Variants in NEFL observed in about 807,000 individuals in gnomAD.
NEFL encodes the protein neurofilament light polypeptide.
A neutral mutation model predicts 51.6 loss-of-function variants in NEFL; 36 were observed. The observed-to-expected ratio is 0.70, with a 90% CI of 0.53 to 0.92. The LOEUF is 0.92. NEFL is among the 40% of genes least tolerant of loss of function. The pLI is 0.00. For synonymous variants in NEFL, 332 were observed against 302.5 expected, an observed-to-expected ratio of 1.10 and a Z score of -1.01; for missense variants, 671 against 722.0, an observed-to-expected ratio of 0.93 and a Z score of 0.81.
At position 24,955,889 on chromosome 8, in the gene NEFL, G is replaced by C. The variant is rs564451527; in HGVS notation, c.627C>G (p.Leu209=). The stretch of plus-strand genomic sequence containing the variant: ...CCATCAAGCTGTCGATGCGCTTCTC[G>C]AGCTCGGCGCGAGCGAGCGCCGCCT... ...ADEAALARAE[L]EKRIDSLMDE... Residue 209 remains leucine, a synonymous_variant, in exon 1 of 4, where the codon CTC becomes CTG. Coordinates refer to ENST00000610854, the MANE Select transcript of NEFL (RefSeq NM_006158.5). This position sits in a 1 kb window ranked among gnomAD's most constrained non-coding sequence, Gnocchi z 4.0. The C allele has an allele frequency of 1.2e-6, 2 of 1,606,458 alleles. No homozygotes were observed. The highest frequency in any genetic ancestry group is 1.3e-5 in the African/African-American group (1 of 74,942).
chr8:24,953,417 C>A, intron 3 of NEFL, 59 bp downstream of exon 3: 1 of 1,542,680 alleles, frequency 6.5e-7, no homozygotes, highest in Non-Finnish European at 8.7e-7. Context: ...TATCCACCTC[C>A]TAACAAATCT....
chr8:24,955,575 G>A lies in NEFL; in HGVS notation c.941C>T (p.Ala314Val). ...GCATGCTTCGATTTCCAGGGTCTTG[G>A]CCTTGAGCAGACGACGGCTCTCGGA... ...EVSESRRLLK[A>V]KTLEIEACRG... The change falls in exon 1 of 4, where the codon GCC becomes GTC. Residue 314 changes from alanine (A) to valine (V), a missense_variant. Physicochemically the swap from Ala to Val is moderately conservative, Grantham distance 64 (BLOSUM62 0). Coordinates refer to ENST00000610854, the MANE Select transcript of NEFL (RefSeq NM_006158.5). The surrounding 1 kb of genome is among the most constrained non-coding windows in gnomAD (Gnocchi z 4.0). 1 of 1,613,668 alleles carries A rather than the reference G, an allele frequency of 6.2e-7. No individual in the cohort carries two copies. The highest frequency in any genetic ancestry group is 8.5e-7 in the Non-Finnish European group (1 of 1,179,874).
At position 24,951,336 on chromosome 8, in the gene NEFL, T is replaced by A. The variant is rs1802964757; in HGVS notation, c.*1474A>T. On this transcript the variant is annotated 3_prime_UTR_variant, in exon 4 of 4. Transcript: ENST00000610854. ...AGACCACTTTGGTTTCAGGTTAAAT[T>A]AATAACTTATAGAGATCGTCTAAAA... 6.6e-6 allele frequency: 1 copy of A among 152,208 alleles called. No individual in the cohort carries two copies. The highest frequency in any genetic ancestry group is 6.5e-5 in the Admixed American group (1 of 15,278). 9.4% of individuals were successfully genotyped at this position (152,208 alleles called of 1,614,324 possible).
At position 24,953,642 on chromosome 8, in the gene NEFL, G is replaced by C. The variant is rs1297996099; in HGVS notation, c.1323C>G (p.Ser441=). The C allele has an allele frequency of 6.2e-7, 1 of 1,614,004 alleles. No homozygotes were observed. Among genetic ancestry groups the C allele is most frequent in the Non-Finnish European group, 8.5e-7 (1 of 1,179,892 alleles). ...CCTCTTGGACATGGCTGGTGTAGTAGGACGGGAAGGAGCGGGTGGACATCA... is the reference window on the plus strand; with the variant it reads ...CCTCTTGGACATGGCTGGTGTAGTACGACGGGAAGGAGCGGGTGGACATCA... The part of the protein sequence containing the change: ...SYLMSTRSFP[S]YYTSHVQEEQ... The change falls in exon 3 of 4, where the codon TCC becomes TCG. Residue 441 remains serine (S), a synonymous_variant. Coordinates refer to ENST00000610854, the MANE Select transcript of NEFL (RefSeq NM_006158.5).
Position 24,952,180 on chromosome 8 carries a change from T to G in NEFL, c.*630A>C, listed in dbSNP as rs1348537116. On this transcript the variant is annotated 3_prime_UTR_variant, in exon 4 of 4. Transcript: ENST00000610854. ...ATGTTTATTATCAGTAAAATTTTTGTGGGGAGAGATTTCACAAGTAATCAT... is the reference window on the plus strand; with the variant it reads ...ATGTTTATTATCAGTAAAATTTTTGGGGGGAGAGATTTCACAAGTAATCAT... 1 of 152,612 alleles carries G rather than the reference T, an allele frequency of 6.6e-6. No individual in the cohort carries two copies. The highest frequency in any genetic ancestry group is 1.5e-5 in the Non-Finnish European group (1 of 68,036). The allele number at this position is 152,612 out of a possible 1,614,324, so 9.5% of individuals were successfully genotyped here. A position where few individuals can be genotyped will look rare whatever the true frequency, so the allele number is the denominator to read the frequency against.
Position 24,955,955 on chromosome 8 carries a change from G to A in NEFL, c.561C>T (p.Asp187=). 6.2e-7 allele frequency: 1 copy of A among 1,602,768 alleles called. No homozygotes were observed. Among genetic ancestry groups the A allele is most frequent in the South Asian group, 1.1e-5 (1 of 90,948 alleles). ...GCGCTTCCATCAGCCGGCCCTCGGC[G>A]TCCTCGCGGCTCAGCACCTCCTCTT... ...RYEEEVLSRE[D]AEGRLMEARK... Residue 187 remains aspartate, a synonymous_variant, in exon 1 of 4, where the codon GAC becomes GAT. Coordinates refer to ENST00000610854, the MANE Select transcript of NEFL (RefSeq NM_006158.5). The surrounding 1 kb of genome is among the most constrained non-coding windows in gnomAD (Gnocchi z 4.0).
rs761721495 is a variant in NEFL, at chr8:24,955,915, C to G, written c.601G>C (p.Glu201Gln). 2 of 1,604,982 alleles carry G rather than the reference C, an allele frequency of 1.2e-6. No individual in the cohort carries two copies. The highest frequency in any genetic ancestry group is 3.3e-5 in the Admixed American group (2 of 59,992). Reference sequence around the variant, plus strand: ...AGCTCGGCGCGAGCGAGCGCCGCCTCGTCGGCGCCTTTGCGCGCTTCCATC... The same window carrying G: ...AGCTCGGCGCGAGCGAGCGCCGCCTGGTCGGCGCCTTTGCGCGCTTCCATC... ...RLMEARKGAD[E>Q]AALARAELEK... The change falls in exon 1 of 4, where the codon GAG (glutamate) becomes CAG (glutamine). Residue 201 changes from glutamate to glutamine, a missense_variant. Transcript: ENST00000610854. This position sits in a 1 kb window ranked among gnomAD's most constrained non-coding sequence, Gnocchi z 4.0.
Position 24,956,558 on chromosome 8 carries a change from C to A in NEFL, c.-43G>T, listed in dbSNP as rs749986851. On this transcript the variant is annotated 5_prime_UTR_variant, in exon 1 of 4. Coordinates refer to ENST00000610854, the MANE Select transcript of NEFL (RefSeq NM_006158.5). This position sits in a 1 kb window ranked among gnomAD's most constrained non-coding sequence, Gnocchi z 5.9. ...CCCCGGCCCGCGGCGGCGGTGGGAG[C>A]CCGGAGAGAGAGGACAGGGGAGAGA... 2 of 1,539,964 alleles carry A rather than the reference C, an allele frequency of 1.3e-6. No homozygotes were observed. The highest frequency in any genetic ancestry group is 2.7e-5 in the African/African-American group (2 of 72,950).
chr8:24,955,864 C>A lies in NEFL; in HGVS notation c.652G>T (p.Asp218Tyr). The A allele has an allele frequency of 6.2e-7, 1 of 1,609,160 alleles. No homozygotes were observed. Among genetic ancestry groups the A allele is most frequent in the Non-Finnish European group, 8.5e-7 (1 of 1,179,876 alleles). Residue 218 changes from aspartate (D) to tyrosine (Y), a missense_variant, in exon 1 of 4, where the codon GAC (aspartate) becomes TAC (tyrosine). Transcript: ENST00000610854. The surrounding 1 kb of genome is among the most constrained non-coding windows in gnomAD (Gnocchi z 4.0). The stretch of plus-strand genomic sequence containing the variant: ...ACTTTCTTCAGAAAAGAGATTTCGT[C>A]CATCAAGCTGTCGATGCGCTTCTCG... The part of the protein sequence containing the change: ...ELEKRIDSLM[D>Y]EISFLKKVHE...
chr8:24,953,919 T>A (rs1398643571), intron 2 of NEFL, 124 bp from the exon 3 acceptor site: 3 of 1,361,004 alleles, frequency 2.2e-6, no homozygotes, highest in South Asian at 1.6e-5. Flanking sequence ...TGCCTGGGGA[T>A]CTTTTGATGG....
Position 24,952,662 on chromosome 8 carries a change from G to T in NEFL, c.*148C>A. 1 of 1,260,236 alleles carries T rather than the reference G, an allele frequency of 7.9e-7. No homozygotes were observed. Among genetic ancestry groups the T allele is most frequent in the Non-Finnish European group, 1.1e-6 (1 of 920,976 alleles). 78.1% of individuals were successfully genotyped at this position (1,260,236 alleles called of 1,614,324 possible). A position where few individuals can be genotyped will look rare whatever the true frequency, so the allele number is the denominator to read the frequency against. On this transcript the variant is annotated 3_prime_UTR_variant, in exon 4 of 4. Coordinates refer to ENST00000610854, the MANE Select transcript of NEFL (RefSeq NM_006158.5). ...AAGAGGAAATTCATAGCACAACATT[G>T]AATGTCCAACCTAAGTCATCTCAGA...
chr8:24,950,988 G>A lies in NEFL; in HGVS notation c.*1822C>T, dbSNP rs552561637. The A allele has an allele frequency of 2.0e-5, 3 of 152,624 alleles. No individual in the cohort carries two copies. The highest frequency in any genetic ancestry group is 4.4e-5 in the Non-Finnish European group (3 of 68,034). The allele number at this position is 152,624 out of a possible 1,614,324, so 9.5% of individuals were successfully genotyped here. A position where few individuals can be genotyped will look rare whatever the true frequency, so the allele number is the denominator to read the frequency against. ...TTTTACTATTTTATTATGGCACACA[G>A]GATAGAGGATGGTACAGTTTTCTTA... On this transcript the variant is annotated 3_prime_UTR_variant, in exon 4 of 4. Transcript: ENST00000610854.
intron 2 of NEFL, 139 bp from the exon 3 acceptor site, chr8:24,953,934 C>A: frequency 7.8e-7 from 1 of 1,274,018 alleles, no homozygotes; most frequent in Non-Finnish European, 1.1e-6. Context: ...TGATGGAGAC[C>A]AGAAAAAATA....
rs1803024829 is a variant in NEFL, at chr8:24,955,079, T to C, written c.1044+393A>G. On this transcript the variant is annotated intron_variant, in intron 1 of 3. Coordinates refer to ENST00000610854, the MANE Select transcript of NEFL (RefSeq NM_006158.5). The surrounding 1 kb of genome is among the most constrained non-coding windows in gnomAD (Gnocchi z 4.0). ...GTCACAGTAATCCTTCAGAATTAATTGAGAGTTGTTCACTCTACTATTTAT... is the reference window on the plus strand; with the variant it reads ...GTCACAGTAATCCTTCAGAATTAATCGAGAGTTGTTCACTCTACTATTTAT... 9.9e-6 allele frequency: 2 copies of C among 202,100 alleles called. No individual in the cohort carries two copies. Among genetic ancestry groups the C allele is most frequent in the Admixed American group, 1.0e-4 (2 of 19,178 alleles). 12.5% of individuals were successfully genotyped at this position (202,100 alleles called of 1,614,324 possible). A position where few individuals can be genotyped will look rare whatever the true frequency, so the allele number is the denominator to read the frequency against.
chr8:24,955,318 G>C lies in NEFL; in HGVS notation c.1044+154C>G. On this transcript the variant is annotated intron_variant, in intron 1 of 3. Transcript: ENST00000610854. This position sits in a 1 kb window ranked among gnomAD's most constrained non-coding sequence, Gnocchi z 4.0. Reference sequence around the variant, plus strand: ...TGGCGCCCGCACTCACGCCCTTCAAGTGCCCCACCCCTCCCACACAGTGGC... The same window carrying C: ...TGGCGCCCGCACTCACGCCCTTCAACTGCCCCACCCCTCCCACACAGTGGC... 1.4e-6 allele frequency: 1 copy of C among 730,298 alleles called. No homozygotes were observed. 45.2% of individuals were successfully genotyped at this position (730,298 alleles called of 1,614,324 possible).
Position 24,956,048 on chromosome 8 carries a change from C to T in NEFL, c.468G>A (p.Glu156=). 5 of 1,604,396 alleles carry T rather than the reference C, an allele frequency of 3.1e-6. No homozygotes were observed. Among genetic ancestry groups the T allele is most frequent in the Non-Finnish European group, 4.2e-6 (5 of 1,178,714 alleles). Residue 156 remains glutamate, a synonymous_variant, in exon 1 of 4, where the codon GAG becomes GAA. Coordinates refer to ENST00000610854, the MANE Select transcript of NEFL (RefSeq NM_006158.5). This position sits in a 1 kb window ranked among gnomAD's most constrained non-coding sequence, Gnocchi z 5.9. ...CGCGCTCGCCCTGGAGCGCCTGCTT[C>T]TCGTTGGTGGCATCTTCCGCCGCCA... ...LRLAAEDATN[E]KQALQGEREG... is the part of the protein sequence containing the mutation.
At chr8:24,954,447 C>G (rs544561391) in intron 1 of NEFL, 142 bp from the exon 2 acceptor site, 1 of 980,230 alleles carries the variant, frequency 1.0e-6, no homozygotes. Flanking sequence ...AGAATAACTT[C>G]CTGTATCTTT....
At position 24,953,703 on chromosome 8, in the gene NEFL, C is replaced by T. The variant is rs1463847045; in HGVS notation, c.1262G>A (p.Arg421Gln). 24 of 1,613,864 alleles carry T rather than the reference C, an allele frequency of 1.5e-5. No homozygotes were observed. Among genetic ancestry groups the T allele is most frequent in the East Asian group, 2.2e-5 (1 of 44,874 alleles). ...GYSQSSQVFG[R>Q]SAYGGLQTSS... The stretch of plus-strand genomic sequence containing the variant: ...GGTCTGTAAACCGCCGTAGGCAGAT[C>T]GGCCAAAGACCTGGGAGCTCTGGGA... Residue 421 changes from arginine to glutamine, a missense_variant, in exon 3 of 4, where the codon CGA (arginine) becomes CAA (glutamine). By Grantham distance (43) the Arg-to-Gln change is conservative. Coordinates refer to ENST00000610854, the MANE Select transcript of NEFL (RefSeq NM_006158.5).
chr8:24,954,161 C>G lies in NEFL; in HGVS notation c.1169+20G>C. ...CTTCCTAAGGTTTAATGGCTGCTGT[C>G]TTTGCCCCTCTATTTTCACCTGTAA... On this transcript the variant is annotated intron_variant, in intron 2 of 3. Coordinates refer to ENST00000610854, the MANE Select transcript of NEFL (RefSeq NM_006158.5). 1 of 1,613,674 alleles carries G rather than the reference C, an allele frequency of 6.2e-7. No homozygotes were observed. The highest frequency in any genetic ancestry group is 8.5e-7 in the Non-Finnish European group (1 of 1,179,808).
Sources: gnomAD v4.1 joint callset for allele counts on GRCh38, gnomAD v4.1.1 for gene constraint, Gnocchi (gnomAD v3.1) non-coding constraint, MANE v1.5 for transcripts, NCBI Gene and HGNC (gene_info 2026-07-23, HGNC 2026-07-21) for gene names.